The following RPAP3 variants were observed in gnomAD, a reference collection of about 807,000 sequenced individuals.
RPAP3 encodes the protein RNA polymerase II associated protein 3.
RPAP3 carries 58 observed loss-of-function variants against 88.8 expected under a neutral mutation model. The observed-to-expected ratio is 0.65, with a 90% CI of 0.53 to 0.81. RPAP3 has a LOEUF of 0.81. Ranked by LOEUF, RPAP3 falls within the 40% of genes least tolerant of loss-of-function variation. The pLI, the probability that RPAP3 is intolerant of heterozygous loss-of-function variation, is 0.00. For missense variants in RPAP3, 751 were observed against 764.3 expected, an observed-to-expected ratio of 0.98 and a Z score of 0.20; for synonymous variants, 255 against 259.9, an observed-to-expected ratio of 0.98 and a Z score of 0.18.
rs1939792775 is a variant in RPAP3, at chr12:47,706,016, G to GGCAGTGACTCACGCAAAGCCCC, written c.-72_-71insGGGGCTTTGCGTGAGTCACTGC. ...CCCCGCAGCGACTCACGCCGAGCCC[G>GGCAGTGACTCACGCAAAGCCCC]GCAGTGACTCACGCAAAGCCCCGCC... On this transcript the variant is annotated 5_prime_UTR_variant, in exon 1 of 17. Coordinates refer to ENST00000005386, the MANE Select transcript of RPAP3 (RefSeq NM_024604.3). 1 of 152,688 alleles carries GGCAGTGACTCACGCAAAGCCCC rather than the reference G, an allele frequency of 6.5e-6. No homozygotes were observed. Among genetic ancestry groups the GGCAGTGACTCACGCAAAGCCCC allele is most frequent in the African/African-American group, 2.4e-5 (1 of 41,452 alleles). 9.5% of individuals were successfully genotyped at this position (152,688 alleles called of 1,614,324 possible). A position where few individuals can be genotyped will look rare whatever the true frequency, so the allele number is the denominator to read the frequency against.
At chr12:47,704,961 C>T (rs570371980) in intron 1 of RPAP3, among the ~76,000 whole-genome samples, 1 of 151,780 alleles carries the variant, frequency 6.6e-6, no homozygotes, top group South Asian at 2.1e-4. Flanking sequence ...GGTGACGGGC[C>T]CACTACACTC....
Position 47,669,016 on chromosome 12 carries a change from G to T in RPAP3, c.1613C>A (p.Ala538Asp). 5 of 1,613,768 alleles carry T rather than the reference G, an allele frequency of 3.1e-6. No homozygotes were observed. The highest frequency in any genetic ancestry group is 4.2e-6 in the Non-Finnish European group (5 of 1,179,716). Residue 538 changes from alanine to aspartate, a missense_variant, in exon 14 of 17, where the codon GCC (alanine) becomes GAC (aspartate). Transcript: ENST00000005386. Reference sequence around the variant, plus strand: ...AGGAATTGGAGGAAGAACAGTTGTGGCAAACTGAGCAGGTTTTTGTTCTAT... The same window carrying T: ...AGGAATTGGAGGAAGAACAGTTGTGTCAAACTGAGCAGGTTTTTGTTCTAT... ...IEIEQKPAQFATTVLPPIPAN... is the reference protein window; with the variant it reads ...IEIEQKPAQFDTTVLPPIPAN...
chr12:47,694,475 T>G (rs1200835770), intron 5 of RPAP3, among the ~76,000 whole-genome samples: 1 of 152,230 alleles, frequency 6.6e-6, no homozygotes, highest in Non-Finnish European at 1.5e-5. Context: ...AATCATTTTA[T>G]AAAGTCCTAA....
chr12:47,695,707 T>C (rs1399551442), intron 5 of RPAP3, among the ~76,000 whole-genome samples: 3 of 152,182 alleles, frequency 2.0e-5, no homozygotes, highest in Admixed American at 2.0e-4. Context: ...AAAATTCAGA[T>C]ACCAATAAAA....
chr12:47,688,615 A>G (rs1045846904), intron 7 of RPAP3, among the ~76,000 whole-genome samples: 2 of 152,230 alleles, frequency 1.3e-5, no homozygotes, highest in Non-Finnish European at 2.9e-5. Context: ...TTCAGACATA[A>G]CAGTTCATTA....
In RPAP3 at chr12:47,702,695, G is replaced by T; in HGVS notation, c.146C>A (p.Pro49His). 1 of 1,576,318 alleles carries T rather than the reference G, an allele frequency of 6.3e-7. No homozygotes were observed. The highest frequency in any genetic ancestry group is 8.6e-7 in the Non-Finnish European group (1 of 1,162,350). Residue 49 changes from proline to histidine, a missense_variant, in exon 2 of 17, where the codon CCT becomes CAT. Transcript: ENST00000005386. ...TACGAATTCTTAATTTACCTCTTCA[G>T]GAACACCATTCTGTCTTCTTAGTTC... The part of the protein sequence containing the change: ...DMELRRQNGV[P>H]EENLPPIRNG...
chr12:47,663,436 G>A lies in RPAP3; in HGVS notation c.*69C>T. 1.0e-6 allele frequency: 1 copy of A among 980,974 alleles called. No homozygotes were observed. Among genetic ancestry groups the A allele is most frequent in the Non-Finnish European group, 1.6e-6 (1 of 635,214 alleles). 60.8% of individuals were successfully genotyped at this position (980,974 alleles called of 1,614,324 possible). The stretch of plus-strand genomic sequence containing the variant: ...CTATATAATTTCATTTTCTTAAAAA[G>A]CAAAACACTTTCAGTAGAAAAAATT... On this transcript the variant is annotated 3_prime_UTR_variant, in exon 17 of 17. Transcript: ENST00000005386.
At chr12:47,692,926 C>A (rs969830661) in intron 5 of RPAP3, among the ~76,000 whole-genome samples, 4 of 152,220 alleles carry the variant, frequency 2.6e-5, no homozygotes, top group African/African-American at 9.6e-5. Flanking sequence ...CTCGCCCCGG[C>A]TGGAGTGCAG....
Position 47,670,190 on chromosome 12 carries a change from G to A in RPAP3, c.1443C>T (p.Ser481=), listed in dbSNP as rs2136609118. 6.2e-7 allele frequency: 1 copy of A among 1,613,930 alleles called. No homozygotes were observed. Among genetic ancestry groups the A allele is most frequent in the East Asian group, 2.2e-5 (1 of 44,848 alleles). ...CACTTGTGGGAAAAAGGTCATCTTG[G>A]CTTGAATTCTTCTTACTTGTGGTGC... The part of the protein sequence containing the change: ...ATGTTSKKNS[S]QDDLFPTSDT... Residue 481 remains serine (S), a synonymous_variant, in exon 13 of 17, where the codon AGC becomes AGT. Coordinates refer to ENST00000005386, the MANE Select transcript of RPAP3 (RefSeq NM_024604.3).
At position 47,687,878 on chromosome 12, in the gene RPAP3, G is replaced by A. The variant is rs774819368; in HGVS notation, c.862C>T (p.Arg288Trp). 27 of 1,612,256 alleles carry A rather than the reference G, an allele frequency of 1.7e-5. No homozygotes were observed. The highest frequency in any genetic ancestry group is 3.3e-4 in the Middle Eastern group (2 of 6,072). ...ACGTTGGAATAGCTTTGGATTACCC[G>A]ATCTTTCTCTGAAATGGCCTGCTGC... ...NKQQAISEKD[R>W]GNGFFKEGKY... Residue 288 changes from arginine (R) to tryptophan (W), a missense_variant and splice_region_variant, in exon 8 of 17, where the codon CGG becomes TGG. Physicochemically the swap from Arg to Trp is moderately radical, Grantham distance 101 (BLOSUM62 -3). Coordinates refer to ENST00000005386, the MANE Select transcript of RPAP3 (RefSeq NM_024604.3).
intron 15 of RPAP3, 71 bp from the exon 16 acceptor site, chr12:47,667,151 A>G (rs1938892221): frequency 1.7e-6 from 1 of 593,558 alleles, no homozygotes; most frequent in African/African-American, 1.9e-5. Flanking sequence ...TCTGTTTACT[A>G]ACACAATACT....
chr12:47,673,471 G>C (rs984293690), intron 12 of RPAP3, among the ~76,000 whole-genome samples: 1 of 103,960 alleles, frequency 9.6e-6, no homozygotes, highest in Non-Finnish European at 2.1e-5. Context: ...AAAAAAAAAA[G>C]AATACAGTCA....
At chr12:47,686,319 T>C (rs560995208) in intron 9 of RPAP3, among the ~76,000 whole-genome samples, 1 of 152,330 alleles carries the variant, frequency 6.6e-6, no homozygotes, top group South Asian at 2.1e-4. Context: ...TATACATGTA[T>C]GTATATAAAA....
chr12:47,701,649 G>A (rs201476530), intron 2 of RPAP3, 45 bp from the exon 3 acceptor site: 34 of 1,390,388 alleles, frequency 2.4e-5, no homozygotes, highest in Middle Eastern at 2.2e-4. Context: ...ATTATGCTCT[G>A]TTACTCTTTG....
At chr12:47,664,452 G>C (rs1452203437) in intron 16 of RPAP3, 2 of 152,064 alleles carry the variant, frequency 1.3e-5, no homozygotes, top group African/African-American at 4.8e-5. Context: ...TACTACCACT[G>C]ATCGGTCGAC....
chr12:47,673,019 T>TAATC (rs1274165816), intron 12 of RPAP3, among the ~76,000 whole-genome samples: 4 of 152,186 alleles, frequency 2.6e-5, no homozygotes, highest in Admixed American at 6.5e-5. Context: ...AAGTTTAAAC[T>TAATC]ACATTTAATT....
At chr12:47,697,533 G>C in intron 4 of RPAP3, 64 bp downstream of exon 4, 1 of 1,448,340 alleles carries the variant, frequency 6.9e-7, no homozygotes, top group Non-Finnish European at 9.4e-7. Context: ...GAAACTTTAC[G>C]ATCCACATGA....
intron 3 of RPAP3, 36 bp downstream of exon 3, chr12:47,701,428 T>C: frequency 1.3e-6 from 2 of 1,500,564 alleles, no homozygotes; most frequent in Non-Finnish European, 1.8e-6. Flanking sequence ...AAAATTTTAC[T>C]CAAATATTAA....
intron 12 of RPAP3, among the ~76,000 whole-genome samples, chr12:47,672,392 G>A (rs1251539070): frequency 6.6e-6 from 1 of 152,142 alleles, no homozygotes; most frequent in Non-Finnish European, 1.5e-5. Flanking sequence ...ACAAATACGT[G>A]ACTAAAAAGG....
Sources: gnomAD v4.1 joint callset for allele counts (sites outside exome capture counted in the v4.1 genomes callset) on GRCh38, gnomAD v4.1.1 for gene constraint, MANE v1.5 for transcripts, NCBI Gene and HGNC (gene_info 2026-07-23, HGNC 2026-07-21) for gene names.